The following ELAVL3 variants were observed in gnomAD, a reference collection of about 807,000 sequenced individuals.
The protein encoded by ELAVL3 is ELAV-like protein 3.
ELAVL3 carries 8 observed loss-of-function variants against 34.2 expected under a neutral mutation model. The observed-to-expected ratio is 0.23, with a 90% CI of 0.14 to 0.42. ELAVL3 has a LOEUF of 0.42. Among genes scored for constraint, ELAVL3 ranks in the 10% least tolerant of loss-of-function variants. The pLI is 1.00. For missense variants in ELAVL3, 273 were observed against 518.8 expected, an observed-to-expected ratio of 0.53 and a Z score of 4.60; for synonymous variants, 209 against 222.1, an observed-to-expected ratio of 0.94 and a Z score of 0.53.
At chr19:11,469,895 T>TAA (rs912152967) in intron 1 of ELAVL3, among the ~76,000 whole-genome samples, 1 of 151,976 alleles carries the variant, frequency 6.6e-6, no homozygotes, top group African/African-American at 2.4e-5. Flanking sequence ...CTGTCTCTAC[T>TAA]AAAAATTTAA....
rs937792150 is a variant in ELAVL3 at position 11,480,789 on chromosome 19, A to G, written c.-181T>C. 15 of 483,718 alleles carry G rather than the reference A, an allele frequency of 3.1e-5. No individual in the cohort carries two copies. The South Asian group carries it at 1.3e-3, about 43-fold the overall frequency. 30.0% of individuals were successfully genotyped at this position (483,718 alleles called of 1,614,324 possible). On this transcript the variant is annotated 5_prime_UTR_variant, in exon 1 of 7. Transcript: ENST00000359227. This position sits in a 1 kb window ranked among gnomAD's most constrained non-coding sequence, Gnocchi z 6.8. The stretch of plus-strand genomic sequence containing the variant: ...GCCAGGGACGGGCCCGAACCCGGGG[A>G]TGCGCGCGCGGATGGCCGGGCCCCG...
chr19:11,452,161 T>A lies in ELAVL3; in HGVS notation c.*2365A>T, dbSNP rs1970659774. On this transcript the variant is annotated 3_prime_UTR_variant, in exon 7 of 7. Transcript: ENST00000359227. The stretch of plus-strand genomic sequence containing the variant: ...CCTGGACGTCGCTGGCCGTGGGGAC[T>A]GTCCCGCAGAGCACACGCCCCCGCG... 1 of 152,274 alleles carries A rather than the reference T, an allele frequency of 6.6e-6. No individual in the cohort carries two copies. The highest frequency in any genetic ancestry group is 6.5e-5 in the Admixed American group (1 of 15,288). 9.4% of individuals were successfully genotyped at this position (152,274 alleles called of 1,614,324 possible).
In ELAVL3 at chr19:11,454,997, C is replaced by G; in HGVS notation, c.753-120G>C. ...TGACCTTGGAATGGTGTGACCCCTGCAATGCAATTTTTTTTTTTAGAGACA... is the reference window on the plus strand; with the variant it reads ...TGACCTTGGAATGGTGTGACCCCTGGAATGCAATTTTTTTTTTTAGAGACA... On this transcript the variant is annotated intron_variant, in intron 6 of 6. Coordinates refer to ENST00000359227, the MANE Select transcript of ELAVL3 (RefSeq NM_001420.4). This position sits in a 1 kb window ranked among gnomAD's most constrained non-coding sequence, Gnocchi z 9.2. 8.5e-7 allele frequency: 1 copy of G among 1,180,870 alleles called. No individual in the cohort carries two copies. Among genetic ancestry groups the G allele is most frequent in the South Asian group, 1.5e-5 (1 of 67,580 alleles). 73.1% of individuals were successfully genotyped at this position (1,180,870 alleles called of 1,614,324 possible). A position where few individuals can be genotyped will look rare whatever the true frequency, so the allele number is the denominator to read the frequency against.
intron 3 of ELAVL3, among the ~76,000 whole-genome samples, chr19:11,461,477 T>A (rs1251217889): frequency 1.7e-5 from 1 of 58,782 alleles, no homozygotes; most frequent in African/African-American, 6.1e-5. Flanking sequence ...CCTCCCTCCC[T>A]CCCTTCCTTC....
In ELAVL3 at chr19:11,459,060, G is replaced by A. The variant is rs901621918; in HGVS notation, c.334-449C>T. On this transcript the variant is annotated intron_variant, in intron 3 of 6. Transcript: ENST00000359227. ...CCTCTTGGGCTCAAGCAATCCTACC[G>A]CCTAAGCCCCGCAAGTAGCTGAGAC... 6.0e-5 allele frequency among the ~76,000 whole-genome samples: 9 copies of A among 150,596 alleles called. No homozygotes were observed. The East Asian group carries it at 9.8e-4, about 16-fold the overall frequency.
chr19:11,465,008 CAT>C (rs1413803051), intron 3 of ELAVL3, among the ~76,000 whole-genome samples: 4 of 120,852 alleles, frequency 3.3e-5, no homozygotes, highest in South Asian at 2.9e-4. Flanking sequence ...ACCACACACA[CAT>C]ACATACACAT....
rs112277943 is a variant in ELAVL3, at chr19:11,454,309, G to T, written c.*217C>A. 5.3e-6 allele frequency: 3 copies of T among 564,076 alleles called. No individual in the cohort carries two copies. Among genetic ancestry groups the T allele is most frequent in the Non-Finnish European group, 6.3e-6 (2 of 318,274 alleles). The allele number at this position is 564,076 out of a possible 1,614,324, so 34.9% of individuals were successfully genotyped here. ...GCCCAGCCTGGGGTGGGGGCAGGAG[G>T]ATGGGGCGGGGGATCCCCGGGCACC... On this transcript the variant is annotated 3_prime_UTR_variant, in exon 7 of 7. Coordinates refer to ENST00000359227, the MANE Select transcript of ELAVL3 (RefSeq NM_001420.4). The surrounding 1 kb of genome is among the most constrained non-coding windows in gnomAD (Gnocchi z 9.2).
intron 3 of ELAVL3, among the ~76,000 whole-genome samples, chr19:11,462,174 C>CAAA (rs775716481): frequency 0.026 from 1,912 of 73,548 alleles, 129 homozygotes; most frequent in African/African-American, 0.07. Flanking sequence ...GACTCCGTCT[C>CAAA]AAAAAAAAAA....
rs1039714545 is a variant in ELAVL3, at chr19:11,466,882, C to T, written c.10-55G>A. The T allele has an allele frequency of 8.9e-6, 13 of 1,460,372 alleles. No individual in the cohort carries two copies. The highest frequency in any genetic ancestry group is 8.4e-5 in the African/African-American group (6 of 71,078). The allele number at this position is 1,460,372 out of a possible 1,614,324, so 90.5% of individuals were successfully genotyped here. On this transcript the variant is annotated intron_variant, in intron 1 of 6. Transcript: ENST00000359227. This position sits in a 1 kb window ranked among gnomAD's most constrained non-coding sequence, Gnocchi z 5.0. ...GCCCAGTCCCCACACCAGGGGCCTG[C>T]GGCAATGAGTGGCTTGGTGGTGATG... is the stretch of plus-strand genomic sequence containing the variant.
At chr19:11,464,906 AACACACACCAC>A (rs1970997374) in intron 3 of ELAVL3, among the ~76,000 whole-genome samples, 1 of 61,668 alleles carries the variant, frequency 1.6e-5, no homozygotes, top group Admixed American at 1.8e-4. Flanking sequence ...ACACACCACA[AACACACACCAC>A]ACACACACCA....
chr19:11,454,522 G>C lies in ELAVL3; in HGVS notation c.*4C>G. 1.9e-6 allele frequency: 3 copies of C among 1,587,610 alleles called. No individual in the cohort carries two copies. The highest frequency in any genetic ancestry group is 2.6e-6 in the Non-Finnish European group (3 of 1,165,074). ...GAGGGGGTGGGAGGGCAGGCGGGGT[G>C]GGCTCACGCCTTGTGCTGTTTGCTG... On this transcript the variant is annotated 3_prime_UTR_variant, in exon 7 of 7. Transcript: ENST00000359227. The surrounding 1 kb of genome is among the most constrained non-coding windows in gnomAD (Gnocchi z 9.2).
chr19:11,454,349 C>T lies in ELAVL3; in HGVS notation c.*177G>A. 1 of 641,894 alleles carries T rather than the reference C, an allele frequency of 1.6e-6. No homozygotes were observed. Among genetic ancestry groups the T allele is most frequent in the Non-Finnish European group, 2.6e-6 (1 of 379,610 alleles). 39.8% of individuals were successfully genotyped at this position (641,894 alleles called of 1,614,324 possible). A position where few individuals can be genotyped will look rare whatever the true frequency, so the allele number is the denominator to read the frequency against. ...CCCCGGGCACCCCCCCAATTCCCTG[C>T]AGACCCTCCCACCCCAGAGTGCTCA... is the stretch of plus-strand genomic sequence containing the variant. On this transcript the variant is annotated 3_prime_UTR_variant, in exon 7 of 7. Coordinates refer to ENST00000359227, the MANE Select transcript of ELAVL3 (RefSeq NM_001420.4). The surrounding 1 kb of genome is among the most constrained non-coding windows in gnomAD (Gnocchi z 9.2).
In ELAVL3 at chr19:11,466,461, C is replaced by T. The variant is rs1430959337; in HGVS notation, c.229+147G>A. 2.0e-6 allele frequency: 2 copies of T among 1,017,498 alleles called. No homozygotes were observed. Among genetic ancestry groups the T allele is most frequent in the South Asian group, 1.5e-5 (1 of 67,598 alleles). The allele number at this position is 1,017,498 out of a possible 1,614,324, so 63.0% of individuals were successfully genotyped here. ...GAGACCTTCACCTAGGGGGTATACC[C>T]ATCTCCCCATCAGACCTCACATCCC... On this transcript the variant is annotated intron_variant, in intron 2 of 6. Coordinates refer to ENST00000359227, the MANE Select transcript of ELAVL3 (RefSeq NM_001420.4). The surrounding 1 kb of genome is among the most constrained non-coding windows in gnomAD (Gnocchi z 5.0).
chr19:11,465,695 C>G (rs1450044542), intron 3 of ELAVL3, among the ~76,000 whole-genome samples: 1 of 152,170 alleles, frequency 6.6e-6, no homozygotes, highest in African/African-American at 2.4e-5. Flanking sequence ...CGATTCCCCC[C>G]CAGGGAACCT....
intron 1 of ELAVL3, among the ~76,000 whole-genome samples, chr19:11,479,067 G>A (rs575836201): frequency 5.3e-5 from 8 of 152,170 alleles, no homozygotes; most frequent in Non-Finnish European, 8.8e-5. Context: ...AGGCCCTTGT[G>A]TGACCTCTGA....
chr19:11,461,029 A>T (rs1329487348), intron 3 of ELAVL3, among the ~76,000 whole-genome samples: 1 of 144,798 alleles, frequency 6.9e-6, no homozygotes, highest in Non-Finnish European at 1.5e-5. Flanking sequence ...AAAAAAAAAA[A>T]TTAGCTGGGT....
intron 1 of ELAVL3, among the ~76,000 whole-genome samples, chr19:11,468,398 G>A (rs1971098047): frequency 6.6e-6 from 1 of 151,034 alleles, no homozygotes; most frequent in East Asian, 1.9e-4. Context: ...TGTGATAGTG[G>A]CTTCTTTATT....
rs760490945 is a variant in ELAVL3 at position 11,466,094 on chromosome 19, C to A, written c.333+78G>T. ...GGCAGTGGACATGGATGCATGGGGG[C>A]GGGTAGGTGGCAGTAGGGGGTTGGG... On this transcript the variant is annotated intron_variant, in intron 3 of 6. Coordinates refer to ENST00000359227, the MANE Select transcript of ELAVL3 (RefSeq NM_001420.4). This position sits in a 1 kb window ranked among gnomAD's most constrained non-coding sequence, Gnocchi z 5.0. The A allele has an allele frequency of 3.4e-6, 4 of 1,188,112 alleles. No homozygotes were observed. In the South Asian group the frequency reaches 3.8e-5, roughly 11 times the overall value. The allele number at this position is 1,188,112 out of a possible 1,614,324, so 73.6% of individuals were successfully genotyped here.
intron 1 of ELAVL3, among the ~76,000 whole-genome samples, chr19:11,477,341 G>C (rs553576199): frequency 6.6e-6 from 1 of 152,246 alleles, no homozygotes; most frequent in South Asian, 2.1e-4. Context: ...GCCCAGTCTA[G>C]AGTGTAGTGG....
Sources: gnomAD v4.1 joint callset for allele counts (sites outside exome capture counted in the v4.1 genomes callset) on GRCh38, gnomAD v4.1.1 for gene constraint, Gnocchi (gnomAD v3.1) non-coding constraint, MANE v1.5 for transcripts, NCBI Gene and HGNC (gene_info 2026-07-23, HGNC 2026-07-21) for gene names.